Variants in ADAM20 observed in about 807,000 individuals in gnomAD.
ADAM20 encodes the protein ADAM metallopeptidase domain 20.
For synonymous variants in ADAM20, 305 were observed against 310.2 expected (o/e 0.98, Z 0.18); for missense variants, 871 against 883.2 (o/e 0.99, Z 0.18).
At chr14:70,561,961 T>TA in the ADAM20 span, among the ~76,000 whole-genome samples, 2 of 152,166 alleles carry the variant, frequency 1.3e-5, no homozygotes, top group Non-Finnish European at 2.9e-5. Flanking sequence ...AGTCCCCACA[T>TA]AGAGTCCCCA....
At chr14:70,562,685 T>C in the ADAM20 span, among the ~76,000 whole-genome samples, 1 of 152,204 alleles carries the variant, frequency 6.6e-6, no homozygotes. Flanking sequence ...GTGTAGCACT[T>C]CCCCCTTTTT....
Position 70,523,233 on chromosome 14 carries a change from T to C in ADAM20, c.1525A>G (p.Asn509Asp). 6.2e-7 allele frequency: 1 copy of C among 1,614,038 alleles called. No individual in the cohort carries two copies. Among genetic ancestry groups the C allele is most frequent in the Non-Finnish European group, 8.5e-7 (1 of 1,179,938 alleles). The change falls in exon 2 of 2, where the codon AAT becomes GAT. Residue 509 changes from asparagine to aspartate, a missense_variant. By Grantham distance (23) the Asn-to-Asp change is conservative. Transcript: ENST00000256389. ...VNAFCYEKTC[N>D]NHDIQCKEIF... ...TCTTTACATTGTATATCATGGTTAT[T>C]ACACGTCTTTTCATAGCAGAAGGCA...
At chr14:70,574,454 C>T in the ADAM20 span, among the ~76,000 whole-genome samples, 2 of 151,832 alleles carry the variant, frequency 1.3e-5, no homozygotes, top group Non-Finnish European at 2.9e-5. Context: ...TCCTGGCTAA[C>T]ACGGTGAAAC....
At chr14:70,564,352 A>C in the ADAM20 span, among the ~76,000 whole-genome samples, 1 of 152,208 alleles carries the variant, frequency 6.6e-6, no homozygotes, top group Non-Finnish European at 1.5e-5. Context: ...AAACAGTAGA[A>C]TCTAGATGCC....
the ADAM20 span, chr14:70,556,537 G>A: frequency 6.6e-6 from 1 of 152,176 alleles, no homozygotes; most frequent in East Asian, 1.9e-4. Flanking sequence ...GAGCCCATAA[G>A]GCATTTTACC....
In ADAM20 at chr14:70,534,815, T is replaced by C. The variant is rs1883797529; in HGVS notation, c.-195A>G. ...ATCTTACCTCTGTGTCTTTCAGTGT[T>C]CCATTTTTATATTTTCAGTCCTCTA... On this transcript the variant is annotated 5_prime_UTR_variant, in exon 1 of 2. Coordinates refer to ENST00000256389, the MANE Select transcript of ADAM20 (RefSeq NM_003814.5). 1 of 152,234 alleles carries C rather than the reference T, an allele frequency of 6.6e-6. No individual in the cohort carries two copies. The highest frequency in any genetic ancestry group is 2.4e-5 in the African/African-American group (1 of 41,456). 9.4% of individuals were successfully genotyped at this position (152,234 alleles called of 1,614,324 possible). A position where few individuals can be genotyped will look rare whatever the true frequency, so the allele number is the denominator to read the frequency against.
intron 1 of ADAM20, among the ~76,000 whole-genome samples, chr14:70,532,173 C>A (rs969259782): frequency 6.6e-6 from 1 of 151,818 alleles, no homozygotes; most frequent in African/African-American, 2.4e-5. Flanking sequence ...CAGAAGTAAA[C>A]CCAGACATGT....
At chr14:70,545,758 A>G in the ADAM20 span, among the ~76,000 whole-genome samples, 1 of 152,360 alleles carries the variant, frequency 6.6e-6, no homozygotes, top group East Asian at 1.9e-4. Context: ...ACTCCAATAC[A>G]GTAATAGCTG....
chr14:70,573,305 T>C, the ADAM20 span, among the ~76,000 whole-genome samples: 16,641 of 152,192 alleles, frequency 0.11, 1,375 homozygotes, highest in East Asian at 0.49. Context: ...CTGGAGGCCA[T>C]TACCCTAAGA....
At chr14:70,562,203 T>G in the ADAM20 span, among the ~76,000 whole-genome samples, 6 of 152,240 alleles carry the variant, frequency 3.9e-5, no homozygotes, top group African/African-American at 1.4e-4. Flanking sequence ...TGAGACATCA[T>G]GTCAAAAGAG....
intron 1 of ADAM20, among the ~76,000 whole-genome samples, chr14:70,527,772 T>G (rs991162945): frequency 6.6e-6 from 1 of 152,180 alleles, no homozygotes; most frequent in African/African-American, 2.4e-5. Context: ...CCACCACCTC[T>G]ATCCAGTTTT....
At chr14:70,559,425 C>T in the ADAM20 span, among the ~76,000 whole-genome samples, 1 of 152,146 alleles carries the variant, frequency 6.6e-6, no homozygotes, top group Non-Finnish European at 1.5e-5. Flanking sequence ...GTCAAATTCA[C>T]CATTGTTTCC....
In ADAM20 at chr14:70,525,703, C is replaced by T. The variant is rs141508140; in HGVS notation, c.-176-770G>A. ...TTCTATCCCAGACATTTTATGTATA[C>T]CTAATTGTGCTCTAAATTGATAGTC... is the stretch of plus-strand genomic sequence containing the variant. On this transcript the variant is annotated intron_variant, in intron 1 of 1. Transcript: ENST00000256389. Among the ~76,000 whole-genome samples, 1,145 of 152,210 alleles carry T rather than the reference C, an allele frequency of 7.5e-3. 8 individuals are homozygous for T. The highest frequency in any genetic ancestry group is 0.031 in the South Asian group (150 of 4,820).
the ADAM20 span, among the ~76,000 whole-genome samples, chr14:70,540,080 C>T: frequency 6.6e-6 from 1 of 152,172 alleles, no homozygotes; most frequent in African/African-American, 2.4e-5. Flanking sequence ...GGGGTTTCAT[C>T]ATGTTGGCCA....
chr14:70,560,312 G>C, the ADAM20 span, among the ~76,000 whole-genome samples: 10 of 152,092 alleles, frequency 6.6e-5, no homozygotes, highest in East Asian at 1.9e-3. Flanking sequence ...TACAAAAAAG[G>C]CTCAATCAAA....
At chr14:70,545,076 C>T in the ADAM20 span, among the ~76,000 whole-genome samples, 3 of 152,064 alleles carry the variant, frequency 2.0e-5, no homozygotes, top group Admixed American at 6.6e-5. Context: ...TGAGAAAACA[C>T]CTTTAAAAAT....
In ADAM20 at chr14:70,530,712, C is replaced by T. The variant is rs185457348; in HGVS notation, c.-177+4085G>A. Among the ~76,000 whole-genome samples, 450 of 152,174 alleles carry T rather than the reference C, an allele frequency of 3.0e-3. 2 individuals carry two copies. The highest frequency in any genetic ancestry group is 0.011 in the African/African-American group (438 of 41,518). On this transcript the variant is annotated intron_variant, in intron 1 of 1. Coordinates refer to ENST00000256389, the MANE Select transcript of ADAM20 (RefSeq NM_003814.5). ...CCCAAAACATTCTTATGTGGTTCAT[C>T]TGCAGATGGAAATTAAACAACACCA...
upstream of ADAM20, among the ~76,000 whole-genome samples, chr14:70,536,944 C>CA (rs577264085): frequency 0.021 from 2,692 of 125,312 alleles, 43 homozygotes; most frequent in African/African-American, 0.046. Context: ...CACTCCTAAC[C>CA]AAAAAAAAAA....
the ADAM20 span, among the ~76,000 whole-genome samples, chr14:70,541,075 G>T: frequency 3.3e-5 from 5 of 151,930 alleles, no homozygotes; most frequent in Non-Finnish European, 7.3e-5. Context: ...ACAGGTGTGC[G>T]CCACCACGCC....
Sources: gnomAD v4.1 joint callset for allele counts (sites outside exome capture counted in the v4.1 genomes callset) on GRCh38, gnomAD v4.1.1 for gene constraint, MANE v1.5 for transcripts, NCBI Gene and HGNC (gene_info 2026-07-23, HGNC 2026-07-21) for gene names.